ENDOD1: variants seen among roughly 807,000 people sequenced by gnomAD.
ENDOD1 encodes the protein endonuclease domain-containing 1 protein.
In ENDOD1, 9 loss-of-function variants were observed where a neutral mutation model predicts 6.5. That is an observed-to-expected ratio of 1.39 (90% CI 0.84 to 2.43). ENDOD1 has a LOEUF of 2.43. Among genes scored for constraint, ENDOD1 ranks in the 30% most tolerant of loss-of-function variants. The pLI is 0.00. For missense variants in ENDOD1, 648 were observed against 635.5 expected (o/e 1.02, Z -0.21); for synonymous variants, 255 against 255.2 (o/e 1.00, Z 0.01).
intron 1 of ENDOD1, among the ~76,000 whole-genome samples, chr11:95,117,511 T>C (rs1353871348): frequency 1.3e-5 from 2 of 152,258 alleles, no homozygotes; most frequent in African/African-American, 4.8e-5. Flanking sequence ...TTTATCATTA[T>C]ATAATAACCT....
At chr11:95,126,108 G>A (rs1380829796) in intron 1 of ENDOD1, among the ~76,000 whole-genome samples, 1 of 152,216 alleles carries the variant, frequency 6.6e-6, no homozygotes, top group Non-Finnish European at 1.5e-5. Flanking sequence ...AAGGCATGGA[G>A]TGAATGAGTA....
At chr11:95,102,546 C>T (rs1859050792) in intron 1 of ENDOD1, among the ~76,000 whole-genome samples, 1 of 152,084 alleles carries the variant, frequency 6.6e-6, no homozygotes, top group African/African-American at 2.4e-5. Flanking sequence ...GTGGCACATG[C>T]CTGTAATCCC....
Position 95,100,666 on chromosome 11 carries a change from T to A in ENDOD1, c.300+10439T>A, listed in dbSNP as rs145108457. 5.5e-3 allele frequency among the ~76,000 whole-genome samples: 829 copies of A among 151,848 alleles called. 8 individuals are homozygous for A. Among genetic ancestry groups the A allele is most frequent in the African/African-American group, 0.018 (765 of 41,406 alleles). On this transcript the variant is annotated intron_variant, in intron 1 of 1. Transcript: ENST00000278505. The stretch of plus-strand genomic sequence containing the variant: ...GTCTGGCTAATTTTATGTATTTTTT[T>A]TTTTGCTTTTTGTAGAGATGGGGTT...
chr11:95,116,821 A>T (rs1464872215), intron 1 of ENDOD1, among the ~76,000 whole-genome samples: 1 of 151,988 alleles, frequency 6.6e-6, no homozygotes, highest in African/African-American at 2.4e-5. Context: ...CTTGTTATTG[A>T]TTTCTGTTTC....
rs1203373492 is a variant in ENDOD1 at position 95,129,035 on chromosome 11, C to T, written c.959C>T (p.Ala320Val). Reference sequence around the variant, plus strand: ...AGGTCTACTCTGTTGCCTCCAGAGGCATCTGAGGGAAGTAGTAGCTTTTTG... The same window carrying T: ...AGGTCTACTCTGTTGCCTCCAGAGGTATCTGAGGGAAGTAGTAGCTTTTTG... ...SKRSTLLPPE[A>V]SEGSSSFLGK... Residue 320 changes from alanine to valine, a missense_variant, in exon 2 of 2, where the codon GCA becomes GTA. Transcript: ENST00000278505. 28 of 1,613,818 alleles carry T rather than the reference C, an allele frequency of 1.7e-5. No individual in the cohort carries two copies. Among genetic ancestry groups the T allele is most frequent in the Non-Finnish European group, 2.4e-5 (28 of 1,180,002 alleles).
chr11:95,111,423 A>G (rs1565446584), intron 1 of ENDOD1, among the ~76,000 whole-genome samples: 1 of 152,046 alleles, frequency 6.6e-6, no homozygotes, highest in African/African-American at 2.4e-5. Context: ...CTTGATTTCT[A>G]TCATTGTTAC....
intron 1 of ENDOD1, among the ~76,000 whole-genome samples, chr11:95,091,102 G>A (rs1443181096): frequency 1.3e-5 from 2 of 152,086 alleles, no homozygotes; most frequent in African/African-American, 4.8e-5. Flanking sequence ...AGAGTCTTCC[G>A]AACCTGCTGG....
intron 1 of ENDOD1, among the ~76,000 whole-genome samples, chr11:95,111,321 A>C (rs543854309): frequency 5.3e-5 from 8 of 152,160 alleles, no homozygotes; most frequent in Non-Finnish European, 1.0e-4. Context: ...TTTAGGCACC[A>C]GGGACAGGTT....
rs1011742343 is a variant in ENDOD1, at chr11:95,131,558, A to G, written c.*1979A>G. ...ATGTCAGACATGGGAAGTTCGTGCT[A>G]TTATTCAGTTGCCTCTCTGGACCAT... On this transcript the variant is annotated 3_prime_UTR_variant, in exon 2 of 2. Coordinates refer to ENST00000278505, the MANE Select transcript of ENDOD1 (RefSeq NM_015036.3). 2.0e-5 allele frequency: 3 copies of G among 152,212 alleles called. No homozygotes were observed. The highest frequency in any genetic ancestry group is 7.2e-5 in the African/African-American group (3 of 41,452). The allele number at this position is 152,212 out of a possible 1,614,324, so 9.4% of individuals were successfully genotyped here. A position where few individuals can be genotyped will look rare whatever the true frequency, so the allele number is the denominator to read the frequency against.
chr11:95,097,023 A>G (rs1555110394), intron 1 of ENDOD1, among the ~76,000 whole-genome samples: 1 of 152,008 alleles, frequency 6.6e-6, no homozygotes, highest in Non-Finnish European at 1.5e-5. Flanking sequence ...GAGTGCTGGC[A>G]TGCACCTGTA....
At chr11:95,124,967 C>T (rs541174828) in intron 1 of ENDOD1, among the ~76,000 whole-genome samples, 1 of 152,210 alleles carries the variant, frequency 6.6e-6, no homozygotes, top group South Asian at 2.1e-4. Context: ...TGCACGTTCT[C>T]TCTCATTTAC....
chr11:95,099,244 A>T (rs1309023089), intron 1 of ENDOD1, among the ~76,000 whole-genome samples: 1 of 152,232 alleles, frequency 6.6e-6, no homozygotes, highest in Non-Finnish European at 1.5e-5. Context: ...AAACTGTGTT[A>T]ACTCTGTTGA....
At chr11:95,108,117 A>C (rs1337915832) in intron 1 of ENDOD1, among the ~76,000 whole-genome samples, 1 of 152,192 alleles carries the variant, frequency 6.6e-6, no homozygotes, top group Non-Finnish European at 1.5e-5. Context: ...ATTTATTGCC[A>C]GTTTGGAGTT....
intron 1 of ENDOD1, among the ~76,000 whole-genome samples, chr11:95,090,806 G>A (rs1858923292): frequency 6.6e-6 from 1 of 152,168 alleles, no homozygotes; most frequent in African/African-American, 2.4e-5. Flanking sequence ...CTTCTCTTCT[G>A]CAGAGCTCAT....
chr11:95,126,818 C>T (rs972055435), intron 1 of ENDOD1, among the ~76,000 whole-genome samples: 1 of 152,020 alleles, frequency 6.6e-6, no homozygotes, highest in Admixed American at 6.6e-5. Context: ...GTAGCTGGGA[C>T]CACAGGTGTG....
chr11:95,090,075 G>T lies in ENDOD1; in HGVS notation c.148G>T (p.Asp50Tyr). 2.5e-6 allele frequency: 4 copies of T among 1,602,014 alleles called. No individual in the cohort carries two copies. Among genetic ancestry groups the T allele is most frequent in the East Asian group, 2.3e-5 (1 of 43,826 alleles). The change falls in exon 1 of 2, where the codon GAT becomes TAT. Residue 50 changes from aspartate (D) to tyrosine (Y), a missense_variant. Physicochemically the swap from Asp to Tyr is radical, Grantham distance 160. Coordinates refer to ENST00000278505, the MANE Select transcript of ENDOD1 (RefSeq NM_015036.3). Reference sequence around the variant, plus strand: ...GACCCCGCCTGCGGGGCTGGCGGCCGATTCCCACGTGAAGATCTGTCAGCG... The same window carrying T: ...GACCCCGCCTGCGGGGCTGGCGGCCTATTCCCACGTGAAGATCTGTCAGCG... ...AGTPPAGLAADSHVKICQRAE... is the reference protein window; with the variant it reads ...AGTPPAGLAAYSHVKICQRAE...
chr11:95,128,374 C>A lies in ENDOD1; in HGVS notation c.301-3C>A, dbSNP rs1180114301. ...CATCTCACCACTTGTTTTCTTCTTG[C>A]AGATCGATGACCCCAACAGCAACCT... On this transcript the variant is annotated splice_polypyrimidine_tract_variant and splice_region_variant and intron_variant, in intron 1 of 1. Coordinates refer to ENST00000278505, the MANE Select transcript of ENDOD1 (RefSeq NM_015036.3). The A allele has an allele frequency of 1.2e-6, 2 of 1,608,444 alleles. No individual in the cohort carries two copies. The highest frequency in any genetic ancestry group is 2.7e-5 in the African/African-American group (2 of 74,838).
chr11:95,125,928 G>A (rs1479045273), intron 1 of ENDOD1, among the ~76,000 whole-genome samples: 1 of 152,114 alleles, frequency 6.6e-6, no homozygotes, highest in Non-Finnish European at 1.5e-5. Context: ...CTTTATAGCA[G>A]CATGATTTAT....
chr11:95,095,042 C>T (rs943151378), intron 1 of ENDOD1, among the ~76,000 whole-genome samples: 12 of 133,286 alleles, frequency 9.0e-5, no homozygotes, highest in South Asian at 2.3e-4. Context: ...GGCGTGTGCA[C>T]GCACACACAC....
Sources: allele counts gnomAD v4.1 joint callset (sites outside exome capture counted in the v4.1 genomes callset), GRCh38; gene constraint gnomAD v4.1.1; transcripts MANE v1.5; gene names NCBI Gene and HGNC (gene_info 2026-07-23, HGNC 2026-07-21).